The following FREM1 variants were observed in gnomAD, a reference collection of about 807,000 sequenced individuals.
FREM1 encodes FRAS1 related extracellular matrix 1.
In FREM1, 220 loss-of-function variants were observed where a neutral mutation model predicts 210.1. The ratio of observed to expected loss-of-function variants is 1.05; its 90% confidence interval spans 0.94 to 1.17. FREM1 has a LOEUF of 1.17. Ranked by LOEUF, FREM1 falls within the 50% of genes most tolerant of loss-of-function variation. FREM1 has a pLI of 0.00. For missense variants in FREM1, 3,454 were observed against 2,675.5 expected (o/e 1.29, Z -6.42); for synonymous variants, 1,189 against 980.2 (o/e 1.21, Z -3.98).
chr9:14,826,582 T>G (rs1404864540), intron 10 of FREM1, among the ~76,000 whole-genome samples: 1 of 152,258 alleles, frequency 6.6e-6, no homozygotes. Flanking sequence ...GAATTGTTCC[T>G]GAATTTTACT....
At chr9:14,842,847 C>T (rs956582174) in intron 8 of FREM1, among the ~76,000 whole-genome samples, 187 bp from the exon 9 acceptor site, 13 of 152,176 alleles carry the variant, frequency 8.5e-5, no homozygotes, top group African/African-American at 3.1e-4. Context: ...CTGGCTCCAA[C>T]ATTTATCAGT....
chr9:14,909,987 C>G lies in FREM1; in HGVS notation c.-341G>C, dbSNP rs1818455108. On this transcript the variant is annotated 5_prime_UTR_variant, in exon 1 of 37. Transcript: ENST00000380880. ...TGGCGGGCAGGATAAGAGTCACTGA[C>G]ACAGCAATCTGGTTTAAAGGGCTTT... 6.6e-6 allele frequency: 1 copy of G among 152,126 alleles called. No individual in the cohort carries two copies. The highest frequency in any genetic ancestry group is 2.4e-5 in the African/African-American group (1 of 41,414). The allele number at this position is 152,126 out of a possible 1,614,324, so 9.4% of individuals were successfully genotyped here. A position where few individuals can be genotyped will look rare whatever the true frequency, so the allele number is the denominator to read the frequency against.
chr9:14,806,100 T>C (rs533972159), intron 18 of FREM1, among the ~76,000 whole-genome samples: 2 of 152,360 alleles, frequency 1.3e-5, no homozygotes. Context: ...ATGTTTATTC[T>C]TGTATTTTCC....
At chr9:14,798,671 TTAA>T (rs1220154208) in intron 20 of FREM1, among the ~76,000 whole-genome samples, 2 of 151,962 alleles carry the variant, frequency 1.3e-5, no homozygotes, top group African/African-American at 2.4e-5. Context: ...AGTTACGTTT[TTAA>T]TAATAACAAT....
Position 14,759,898 on chromosome 9 carries a change from C to T in FREM1, c.5208G>A (p.Leu1736=), listed in dbSNP as rs1251340877. Reference sequence around the variant, plus strand: ...ATTCAATATGAGACCACTTCAGTTCCAAACTGTGTGTGAAAGGAAAAGAGA... The same window carrying T: ...ATTCAATATGAGACCACTTCAGTTCTAAACTGTGTGTGAAAGGAAAAGAGA... ...PTGNSATPQI[L]ELKWSHIEWS... The change falls in exon 28 of 37, where the codon TTG becomes TTA. Residue 1736 remains leucine, a synonymous_variant. Coordinates refer to ENST00000380880, the MANE Select transcript of FREM1 (RefSeq NM_001379081.2). 6.2e-7 allele frequency: 1 copy of T among 1,608,102 alleles called. No individual in the cohort carries two copies. Among genetic ancestry groups the T allele is most frequent in the Admixed American group, 1.7e-5 (1 of 59,472 alleles).
At position 14,851,381 on chromosome 9, in the gene FREM1, G is replaced by A; in HGVS notation, c.1055C>T (p.Thr352Ile). 1 of 1,613,870 alleles carries A rather than the reference G, an allele frequency of 6.2e-7. No homozygotes were observed. Among genetic ancestry groups the A allele is most frequent in the Non-Finnish European group, 8.5e-7 (1 of 1,179,802 alleles). The change falls in exon 6 of 37, where the codon ACC becomes ATC. Residue 352 changes from threonine (T) to isoleucine (I), a missense_variant. Transcript: ENST00000380880. Reference protein sequence around the residue: ...QGYVTHLLDHTRPISSFTWKD... With the variant: ...QGYVTHLLDHIRPISSFTWKD... ...CCAGGTGAATGAGGAGATTGGTCTGGTGTGATCCAACAGGTGAGTCACATA... is the reference window on the plus strand; with the variant it reads ...CCAGGTGAATGAGGAGATTGGTCTGATGTGATCCAACAGGTGAGTCACATA...
intron 1 of FREM1, among the ~76,000 whole-genome samples, chr9:14,884,394 G>A (rs1588583577): frequency 2.6e-5 from 4 of 152,122 alleles, no homozygotes; most frequent in African/African-American, 7.2e-5. Flanking sequence ...TCTTTACATG[G>A]TAATCATGTA....
chr9:14,878,919 G>A (rs1309830338), intron 1 of FREM1, among the ~76,000 whole-genome samples: 10 of 152,112 alleles, frequency 6.6e-5, no homozygotes, highest in Admixed American at 3.9e-4. Flanking sequence ...ACTTGGGGAG[G>A]CCGAGGCAGG....
chr9:14,812,359 T>C (rs1246562966), intron 16 of FREM1, among the ~76,000 whole-genome samples: 3 of 152,202 alleles, frequency 2.0e-5, no homozygotes, highest in Non-Finnish European at 4.4e-5. Context: ...GGGTAAGACA[T>C]TATCGTTACT....
chr9:14,846,191 G>T, intron 7 of FREM1, 100 bp from the exon 8 acceptor site: 2 of 965,188 alleles, frequency 2.1e-6, no homozygotes, highest in Non-Finnish European at 3.1e-6. Context: ...AAAAAATAAT[G>T]AGTTCATGCC....
intron 29 of FREM1, among the ~76,000 whole-genome samples, 184 bp from the exon 30 acceptor site, chr9:14,750,460 C>T (rs1045954161): frequency 1.3e-5 from 2 of 152,118 alleles, no homozygotes; most frequent in Admixed American, 1.3e-4. Flanking sequence ...ACATTTGTTC[C>T]TGGACGATGA....
intron 1 of FREM1, among the ~76,000 whole-genome samples, chr9:14,906,845 G>A (rs539779125): frequency 1.9e-4 from 29 of 152,308 alleles, no homozygotes; most frequent in African/African-American, 6.7e-4. Flanking sequence ...ACCCAGTAAA[G>A]GACTTGAGGC....
At chr9:14,782,033 A>T (rs192995029) in intron 24 of FREM1, among the ~76,000 whole-genome samples, 162 of 152,358 alleles carry the variant, frequency 1.1e-3, no homozygotes, top group African/African-American at 3.8e-3. Context: ...GAGGCTCCTC[A>T]GAACAATTCA....
chr9:14,813,320 C>A (rs1229224896), intron 15 of FREM1, among the ~76,000 whole-genome samples: 3 of 152,150 alleles, frequency 2.0e-5, no homozygotes, highest in Admixed American at 2.0e-4. Context: ...ACTCAAAACT[C>A]TCATTTGTTT....
At chr9:14,883,919 G>C (rs899390668) in intron 1 of FREM1, among the ~76,000 whole-genome samples, 2 of 152,184 alleles carry the variant, frequency 1.3e-5, no homozygotes, top group Non-Finnish European at 2.9e-5. Context: ...TTCCCCAAGG[G>C]AGCTTGTAAA....
At chr9:14,779,429 G>A (rs1849282083) in intron 24 of FREM1, 12 of 947,796 alleles carry the variant, frequency 1.3e-5, no homozygotes, top group Non-Finnish European at 1.5e-5. Flanking sequence ...GGGGAGAGAT[G>A]GGACCAGGAG....
At chr9:14,841,991 C>T (rs1247682847) in intron 9 of FREM1, among the ~76,000 whole-genome samples, 1 of 152,128 alleles carries the variant, frequency 6.6e-6, no homozygotes, top group Non-Finnish European at 1.5e-5. Flanking sequence ...TATCAATAAT[C>T]TAGAATAGTC....
chr9:14,882,609 T>C (rs150023856), intron 1 of FREM1, among the ~76,000 whole-genome samples: 1,927 of 151,354 alleles, frequency 0.013, 43 homozygotes, highest in African/African-American at 0.042. Context: ...TGCCCGCCAC[T>C]ACGCCTGGCT....
chr9:14,770,602 T>C lies in FREM1; in HGVS notation c.5059+3A>G. On this transcript the variant is annotated splice_donor_region_variant and intron_variant, in intron 26 of 36. Transcript: ENST00000380880. ...CAATTGTAAGGATTAAGGAGGCCAG[T>C]ACCTGTTGTTGTGTTCTCCAGATGT... is the stretch of plus-strand genomic sequence containing the variant. 6.2e-7 allele frequency: 1 copy of C among 1,606,850 alleles called. No homozygotes were observed. The highest frequency in any genetic ancestry group is 1.1e-5 in the South Asian group (1 of 90,916).
Sources: gnomAD v4.1 joint callset for allele counts (sites outside exome capture counted in the v4.1 genomes callset) on GRCh38, gnomAD v4.1.1 for gene constraint, MANE v1.5 for transcripts, NCBI Gene and HGNC (gene_info 2026-07-23, HGNC 2026-07-21) for gene names.